The following RLF variants were observed in gnomAD, a reference collection of about 807,000 sequenced individuals.
RLF encodes the protein zinc finger protein Rlf.
RLF carries 7 observed loss-of-function variants against 162.9 expected under a neutral mutation model. The ratio of observed to expected loss-of-function variants is 0.04; its 90% CI spans 0.02 to 0.08. The LOEUF (loss-of-function observed/expected upper bound fraction) is 0.08, where lower values mean the gene tolerates loss of function less well. Among genes scored for constraint, RLF ranks in the 10% least tolerant of loss-of-function variants. The pLI is 1.00. For missense variants in RLF, 1,664 were observed against 2,244.7 expected (o/e 0.74, Z 5.23); for synonymous variants, 782 against 791.5 (o/e 0.99, Z 0.20).
chr1:40,212,197 A>G (rs1042452437), intron 5 of RLF, among the ~76,000 whole-genome samples: 1 of 152,182 alleles, frequency 6.6e-6, no homozygotes, highest in Non-Finnish European at 1.5e-5. Flanking sequence ...AATAATAGGC[A>G]TATGTAATGG....
intron 5 of RLF, among the ~76,000 whole-genome samples, chr1:40,214,456 A>G (rs12144950): frequency 0.19 from 28,211 of 152,104 alleles, 2,759 homozygotes; most frequent in Non-Finnish European, 0.21. Context: ...AGGTGGCTCA[A>G]ATTTTTTTGT....
intron 7 of RLF, among the ~76,000 whole-genome samples, chr1:40,234,608 C>T (rs12077436): frequency 6.6e-6 from 1 of 152,206 alleles, no homozygotes; most frequent in African/African-American, 2.4e-5. Context: ...CTGTTATTAA[C>T]ATTACTGTTA....
At chr1:40,166,266 T>C (rs1642164022) in intron 1 of RLF, among the ~76,000 whole-genome samples, 2 of 151,988 alleles carry the variant, frequency 1.3e-5, no homozygotes, top group Admixed American at 6.6e-5. Flanking sequence ...ACACATGAGA[T>C]AGACACTTAA....
chr1:40,224,578 C>CTT (rs59980316), intron 6 of RLF, among the ~76,000 whole-genome samples: 3 of 40,434 alleles, frequency 7.4e-5, no homozygotes, highest in South Asian at 1.9e-3. Context: ...CTGGCCACAT[C>CTT]TTTTTTTTTT....
chr1:40,204,172 C>G (rs1557750121), intron 5 of RLF, among the ~76,000 whole-genome samples: 1 of 151,718 alleles, frequency 6.6e-6, no homozygotes. Flanking sequence ...CCCACCACCA[C>G]GCCTGGCTAA....
intron 5 of RLF, among the ~76,000 whole-genome samples, chr1:40,221,011 G>A (rs1019762201): frequency 1.3e-5 from 2 of 151,052 alleles, no homozygotes; most frequent in Non-Finnish European, 2.9e-5. Context: ...ACACACCTGT[G>A]GTCCCAGCTC....
chr1:40,195,612 G>A lies in RLF; in HGVS notation c.475-20G>A. On this transcript the variant is annotated intron_variant, in intron 3 of 7. Coordinates refer to ENST00000372771, the MANE Select transcript of RLF (RefSeq NM_012421.4). The stretch of plus-strand genomic sequence containing the variant: ...TTTATATTGTTAACTTATTTTCTGG[G>A]TGTGCTGTTCTTGTTCTAGGAGTCA... 2 of 1,590,002 alleles carry A rather than the reference G, an allele frequency of 1.3e-6. No homozygotes were observed. The highest frequency in any genetic ancestry group is 2.3e-5 in the South Asian group (2 of 87,280).
chr1:40,239,764 A>G lies in RLF; in HGVS notation c.5062A>G (p.Ile1688Val). Residue 1688 changes from isoleucine (I) to valine (V), a missense_variant, in exon 8 of 8, where the codon ATA becomes GTA. This residue lies in a region of RLF where 327 missense variants were observed against 342.7 expected (regional missense o/e 0.95). Transcript: ENST00000372771. ...SKTTSLEQCN[I>V]VQPPPPCKIE... is the part of the protein sequence containing the mutation. The stretch of plus-strand genomic sequence containing the variant: ...AACCACTTCCCTAGAACAGTGTAAT[A>G]TAGTTCAGCCTCCTCCTCCTTGTAA... The G allele has an allele frequency of 6.2e-7, 1 of 1,614,198 alleles. No individual in the cohort carries two copies. Among genetic ancestry groups the G allele is most frequent in the Non-Finnish European group, 8.5e-7 (1 of 1,180,014 alleles).
At chr1:40,184,669 A>G (rs562642934) in intron 1 of RLF, among the ~76,000 whole-genome samples, 11 of 152,144 alleles carry the variant, frequency 7.2e-5, no homozygotes, top group Non-Finnish European at 1.3e-4. Flanking sequence ...TGTGAATGAG[A>G]GCACCGAATA....
chr1:40,238,328 A>G lies in RLF; in HGVS notation c.3626A>G (p.Asn1209Ser), dbSNP rs1467226426. Reference protein sequence around the residue: ...SDRATHKLLDNEKCDHEGPCS... With the variant: ...SDRATHKLLDSEKCDHEGPCS... ...AGAGCAACTCACAAACTATTAGATA[A>G]TGAAAAGTGTGATCATGAAGGCCCA... Residue 1209 changes from asparagine (N) to serine (S), a missense_variant, in exon 8 of 8, where the codon AAT becomes AGT. Around this residue, in one of 15 missense-constraint regions of RLF, gnomAD observed 102 missense variants for 109.5 expected, o/e 0.93. Transcript: ENST00000372771. The surrounding 1 kb of genome is among the most constrained non-coding windows in gnomAD (Gnocchi z 5.2). The G allele has an allele frequency of 1.2e-6, 2 of 1,614,186 alleles. No individual in the cohort carries two copies. Among genetic ancestry groups the G allele is most frequent in the South Asian group, 1.1e-5 (1 of 91,086 alleles).
intron 5 of RLF, among the ~76,000 whole-genome samples, chr1:40,221,041 A>AG (rs961180711): frequency 5.9e-5 from 9 of 151,648 alleles, no homozygotes; most frequent in Non-Finnish European, 1.2e-4. Flanking sequence ...CTGAGGCAGG[A>AG]GGATCGCTTG....
At position 40,237,285 on chromosome 1, in the gene RLF, T is replaced by G. The variant is rs765889754; in HGVS notation, c.2583T>G (p.Thr861=). ...ATCAGCCCCATCTACTTAACCAAAC[T>G]GATAAATCACATTTACCTGAAGATC... ...CINQPHLLNQ[T]DKSHLPEDLF... The change falls in exon 8 of 8, where the codon ACT becomes ACG. Residue 861 remains threonine, a synonymous_variant. Transcript: ENST00000372771. The surrounding 1 kb of genome is among the most constrained non-coding windows in gnomAD (Gnocchi z 4.4). 3 of 1,614,102 alleles carry G rather than the reference T, an allele frequency of 1.9e-6. No homozygotes were observed. Among genetic ancestry groups the G allele is most frequent in the Non-Finnish European group, 2.5e-6 (3 of 1,180,004 alleles).
chr1:40,230,721 C>T (rs1044257225), intron 6 of RLF, among the ~76,000 whole-genome samples: 7 of 152,160 alleles, frequency 4.6e-5, no homozygotes, highest in Non-Finnish European at 1.0e-4. Context: ...GCATGAGCCA[C>T]CCGCCATGCC....
At chr1:40,217,676 G>A (rs1199089893) in intron 5 of RLF, among the ~76,000 whole-genome samples, 1 of 152,040 alleles carries the variant, frequency 6.6e-6, no homozygotes, top group Non-Finnish European at 1.5e-5. Flanking sequence ...GAAGGCTGAG[G>A]CAGGAGAATT....
At position 40,216,500 on chromosome 1, in the gene RLF, A is replaced by G. The variant is rs571096339; in HGVS notation, c.811-6074A>G. ...CGAAACTCTGTCTAAAAAAAAAAAA[A>G]AGAGAGAGAGAAAGAAACCCACAGA... On this transcript the variant is annotated intron_variant, in intron 5 of 7. Coordinates refer to ENST00000372771, the MANE Select transcript of RLF (RefSeq NM_012421.4). Among the ~76,000 whole-genome samples the G allele has an allele frequency of 1.6e-3, 245 of 151,168 alleles. 1 individual carries two copies. The East Asian group carries it at 0.02, about 12-fold the overall frequency.
At chr1:40,215,940 A>G (rs374582657) in intron 5 of RLF, among the ~76,000 whole-genome samples, 11 of 152,046 alleles carry the variant, frequency 7.2e-5, no homozygotes, top group Non-Finnish European at 1.0e-4. Context: ...TAAAGATTAG[A>G]GTATAAATAA....
At chr1:40,225,065 G>A (rs1643050633) in intron 6 of RLF, among the ~76,000 whole-genome samples, 1 of 152,128 alleles carries the variant, frequency 6.6e-6, no homozygotes, top group Non-Finnish European at 1.5e-5. Context: ...TGTTATGCTT[G>A]AGGTAGTGGG....
chr1:40,196,791 A>G (rs1642644269), intron 4 of RLF, among the ~76,000 whole-genome samples: 2 of 152,192 alleles, frequency 1.3e-5, no homozygotes, highest in African/African-American at 4.8e-5. Flanking sequence ...ATGAACCACC[A>G]TATCTGGCCA....
In RLF at chr1:40,231,503, T is replaced by A. The variant is rs1643151359; in HGVS notation, c.948-14T>A. On this transcript the variant is annotated splice_polypyrimidine_tract_variant and intron_variant, in intron 6 of 7. Transcript: ENST00000372771. ...TTACTTTAAATGTTTTACCATGATC[T>A]TCTTTTTTTATAGGGAACTGACTCT... 1.9e-6 allele frequency: 3 copies of A among 1,605,364 alleles called. No homozygotes were observed. The highest frequency in any genetic ancestry group is 4.5e-5 in the East Asian group (2 of 44,834).
Sources: gnomAD v4.1 joint callset for allele counts (sites outside exome capture counted in the v4.1 genomes callset) on GRCh38, gnomAD v4.1.1 for gene constraint, gnomAD v4.1.1 regional missense constraint, Gnocchi (gnomAD v3.1) non-coding constraint, MANE v1.5 for transcripts, NCBI Gene and HGNC (gene_info 2026-07-23, HGNC 2026-07-21) for gene names.